The following SLC26A4 variants were observed in gnomAD, a reference collection of about 807,000 sequenced individuals.
The protein encoded by SLC26A4 is pendrin.
Under a neutral mutation model 90.4 loss-of-function variants are expected in SLC26A4, and 93 were observed. The observed-to-expected ratio is 1.03, with a 90% CI of 0.87 to 1.22. The LOEUF is 1.22. Ranked by LOEUF, SLC26A4 falls within the 50% of genes most tolerant of loss-of-function variation. The pLI, the probability that SLC26A4 is intolerant of heterozygous loss-of-function variation, is 0.00. For missense variants in SLC26A4, 1,127 were observed against 946.2 expected, an observed-to-expected ratio of 1.19 and a Z score of -2.51; for synonymous variants, 393 against 354.6, an observed-to-expected ratio of 1.11 and a Z score of -1.22.
rs1791106588 is a variant in SLC26A4, at chr7:107,679,167, T to G, written c.766-4035T>G. Among the ~76,000 whole-genome samples the G allele has an allele frequency of 2.0e-5, 3 of 152,334 alleles. No homozygotes were observed. In the South Asian group the frequency reaches 6.2e-4, roughly 32 times the overall value. On this transcript the variant is annotated intron_variant, in intron 6 of 20. Transcript: ENST00000644269. ...AATACCCTTGATGCTACCATGTAGC[T>G]ACTCAGTTATCTAAGTAAATCCCAG...
intron 3 of SLC26A4, among the ~76,000 whole-genome samples, chr7:107,664,475 G>T (rs370730972): frequency 4.6e-5 from 7 of 151,666 alleles, no homozygotes; most frequent in East Asian, 3.9e-4. Flanking sequence ...CAAGTGATCC[G>T]CCCTCCTTGG....
At chr7:107,688,706 T>C (rs1444295805) in intron 8 of SLC26A4, among the ~76,000 whole-genome samples, 1 of 152,132 alleles carries the variant, frequency 6.6e-6, no homozygotes, top group Non-Finnish European at 1.5e-5. Flanking sequence ...AACTTTAAGA[T>C]GGAATTGTGG....
chr7:107,707,641 T>C (rs1437150191), intron 18 of SLC26A4, among the ~76,000 whole-genome samples: 3 of 152,228 alleles, frequency 2.0e-5, no homozygotes, highest in African/African-American at 7.2e-5. Context: ...TACCAAGACC[T>C]ATCACATTTC....
At position 107,661,979 on chromosome 7, in the gene SLC26A4, G is replaced by A; in HGVS notation, c.164+174G>A. On this transcript the variant is annotated intron_variant, in intron 2 of 20. Transcript: ENST00000644269. The surrounding 1 kb of genome is among the most constrained non-coding windows in gnomAD (Gnocchi z 5.1). ...CTCCGGTCCTCCACGCCGCCCTTCT[G>A]GTGGGAGGGTGGCTCCATCAGTCTC... The A allele has an allele frequency of 1.5e-6, 1 of 678,488 alleles. No homozygotes were observed. The highest frequency in any genetic ancestry group is 2.4e-6 in the Non-Finnish European group (1 of 410,386). The allele number at this position is 678,488 out of a possible 1,614,324, so 42.0% of individuals were successfully genotyped here.
In SLC26A4 at chr7:107,694,608, T is replaced by A; in HGVS notation, c.1342-13T>A. 1.2e-6 allele frequency: 2 copies of A among 1,602,366 alleles called. No individual in the cohort carries two copies. Among genetic ancestry groups the A allele is most frequent in the African/African-American group, 2.7e-5 (2 of 74,782 alleles). Reference sequence around the variant, plus strand: ...TCCCTGAATAACACAGCCTTCTCTGTCTCTCTTGGCAGTCGGTCTTGGCAG... The same window carrying A: ...TCCCTGAATAACACAGCCTTCTCTGACTCTCTTGGCAGTCGGTCTTGGCAG... On this transcript the variant is annotated splice_polypyrimidine_tract_variant and intron_variant, in intron 11 of 20. Transcript: ENST00000644269.
intron 7 of SLC26A4, 32 bp from the exon 8 acceptor site, chr7:107,683,423 T>A (rs766178649): frequency 9.3e-6 from 15 of 1,608,692 alleles, no homozygotes; most frequent in Non-Finnish European, 4.3e-6. Flanking sequence ...TTAAAACCAA[T>A]GGAGTTTTTA....
At chr7:107,707,269 C>T (rs912907990) in intron 18 of SLC26A4, among the ~76,000 whole-genome samples, 2 of 152,140 alleles carry the variant, frequency 1.3e-5, no homozygotes, top group African/African-American at 4.8e-5. Context: ...GCCATAAAAC[C>T]TGTAATTCTT....
At chr7:107,677,323 G>A (rs971106281) in intron 6 of SLC26A4, among the ~76,000 whole-genome samples, 3 of 152,158 alleles carry the variant, frequency 2.0e-5, no homozygotes, top group African/African-American at 7.2e-5. Context: ...AAGCCTCAGT[G>A]TCCTCAATTG....
chr7:107,688,513 G>A (rs747930164), intron 8 of SLC26A4, among the ~76,000 whole-genome samples: 20 of 152,154 alleles, frequency 1.3e-4, no homozygotes, highest in Admixed American at 2.0e-4. Flanking sequence ...ACTATGGAGC[G>A]TTGTGATAAT....
intron 8 of SLC26A4, among the ~76,000 whole-genome samples, chr7:107,685,852 T>C (rs936961725): frequency 1.2e-4 from 18 of 152,222 alleles, no homozygotes; most frequent in African/African-American, 2.4e-4. Flanking sequence ...TCTGTTATAG[T>C]GGTGTGTGTG....
chr7:107,683,178 T>C, intron 6 of SLC26A4, 24 bp from the exon 7 acceptor site: 1 of 1,588,876 alleles, frequency 6.3e-7, no homozygotes, highest in Non-Finnish European at 8.6e-7. Flanking sequence ...GCAGGAAGTA[T>C]ATAAAATTAT....
intron 18 of SLC26A4, 39 bp downstream of exon 18, chr7:107,704,424 C>T (rs774572945): frequency 1.0e-5 from 9 of 894,556 alleles, no homozygotes; most frequent in Non-Finnish European, 1.7e-5. Context: ...GTAAGACTTT[C>T]CCGTAAGCCC....
In SLC26A4 at chr7:107,696,038, T is replaced by C. The variant is rs1019021563; in HGVS notation, c.1543T>C (p.Phe515Leu). The C allele has an allele frequency of 3.2e-6, 5 of 1,557,422 alleles. No homozygotes were observed. The highest frequency in any genetic ancestry group is 1.7e-5 in the Admixed American group (1 of 59,920). ...GTTGACTGTGGTCCTGAGAGTTCAG[T>C]TGTGAGTAACGTAAAACCCAGATTT... is the stretch of plus-strand genomic sequence containing the variant. ...GLLTVVLRVQ[F>L]PSWNGLGSIP... Residue 515 changes from phenylalanine (F) to leucine (L), a missense_variant and splice_region_variant, in exon 13 of 21, where the codon TTT becomes CTT. Coordinates refer to ENST00000644269, the MANE Select transcript of SLC26A4 (RefSeq NM_000441.2).
chr7:107,685,545 C>T (rs748218642), intron 8 of SLC26A4, among the ~76,000 whole-genome samples: 35 of 152,194 alleles, frequency 2.3e-4, no homozygotes, highest in African/African-American at 3.9e-4. Flanking sequence ...TAGGACCATA[C>T]GTTAGGACCA....
intron 4 of SLC26A4, among the ~76,000 whole-genome samples, chr7:107,672,857 C>T (rs1318996002): frequency 6.6e-6 from 1 of 152,130 alleles, no homozygotes; most frequent in African/African-American, 2.4e-5. Context: ...TTAGAATGTC[C>T]TAGTAAATGA....
At chr7:107,678,459 T>C (rs947034342) in intron 6 of SLC26A4, among the ~76,000 whole-genome samples, 2 of 152,210 alleles carry the variant, frequency 1.3e-5, no homozygotes, top group African/African-American at 2.4e-5. Flanking sequence ...GAGAAATAGT[T>C]CTTCTGGTCT....
chr7:107,667,556 A>G (rs1790752853), intron 3 of SLC26A4, among the ~76,000 whole-genome samples: 1 of 149,354 alleles, frequency 6.7e-6, no homozygotes, highest in African/African-American at 2.5e-5. Context: ...GACTGCTTTT[A>G]AGAAGTTTTG....
chr7:107,663,154 AG>A (rs1242995055), intron 2 of SLC26A4, 141 bp from the exon 3 acceptor site: 8 of 950,904 alleles, frequency 8.4e-6, no homozygotes, highest in Non-Finnish European at 1.2e-5. Flanking sequence ...TAAGCACTTC[AG>A]GGTTATTATT....
At chr7:107,695,869 A>G (rs1791725801) in intron 12 of SLC26A4, 64 bp from the exon 13 acceptor site, 1 of 850,144 alleles carries the variant, frequency 1.2e-6, no homozygotes, top group Non-Finnish European at 2.1e-6. Context: ...TTTTATAGGT[A>G]GTTATCACAT....
Sources: gnomAD v4.1 joint callset for allele counts (sites outside exome capture counted in the v4.1 genomes callset) on GRCh38, gnomAD v4.1.1 for gene constraint, Gnocchi (gnomAD v3.1) non-coding constraint, MANE v1.5 for transcripts, NCBI Gene and HGNC (gene_info 2026-07-23, HGNC 2026-07-21) for gene names.